Variants in TMEM132D observed in about 807,000 individuals in gnomAD.
TMEM132D encodes transmembrane protein 132D.
A neutral mutation model predicts 62.3 loss-of-function variants in TMEM132D; 21 were observed. The ratio of observed to expected loss-of-function variants is 0.34; its 90% CI spans 0.24 to 0.49. TMEM132D has a LOEUF of 0.49. Ranked by LOEUF, TMEM132D falls within the 20% of genes least tolerant of loss-of-function variation. The pLI, the probability that TMEM132D is intolerant of heterozygous loss-of-function variation, is 0.99. For synonymous variants in TMEM132D, 621 were observed against 575.6 expected, an observed-to-expected ratio of 1.08 and a Z score of -1.13; for missense variants, 1,346 against 1,402.8, an observed-to-expected ratio of 0.96 and a Z score of 0.65.
chr12:129,590,283 A>C (rs1878152534), intron 2 of TMEM132D, among the ~76,000 whole-genome samples: 1 of 152,154 alleles, frequency 6.6e-6, no homozygotes, highest in Admixed American at 6.5e-5. Flanking sequence ...CTGAGACACA[A>C]AGGGCCACCA....
chr12:129,341,604 A>G (rs1050633606), intron 3 of TMEM132D, among the ~76,000 whole-genome samples: 1 of 152,220 alleles, frequency 6.6e-6, no homozygotes, highest in African/African-American at 2.4e-5. Context: ...AGTTAAGGGA[A>G]CAAATTAATA....
chr12:129,154,976 C>G (rs544379533), intron 5 of TMEM132D, among the ~76,000 whole-genome samples: 9 of 152,298 alleles, frequency 5.9e-5, no homozygotes, highest in African/African-American at 2.2e-4. Context: ...GGATCAAGAT[C>G]AGGAAACATA....
intron 2 of TMEM132D, among the ~76,000 whole-genome samples, chr12:129,631,837 C>T (rs1879352723): frequency 6.6e-6 from 1 of 152,122 alleles, no homozygotes. Flanking sequence ...AAAAGATCCC[C>T]CCACCACACC....
chr12:129,895,482 C>T (rs1483542042), intron 1 of TMEM132D, among the ~76,000 whole-genome samples: 1 of 152,232 alleles, frequency 6.6e-6, no homozygotes, highest in Middle Eastern at 3.2e-3. Flanking sequence ...TCAGTCCACA[C>T]AGACTATGGT....
intron 1 of TMEM132D, among the ~76,000 whole-genome samples, chr12:129,799,065 A>G (rs562827359): frequency 8.6e-5 from 13 of 151,756 alleles, no homozygotes; most frequent in Non-Finnish European, 1.5e-4. Context: ...GGAGATGGAG[A>G]CCAATCCTGT....
At chr12:129,680,309 T>G (rs942334753) in intron 2 of TMEM132D, among the ~76,000 whole-genome samples, 1 of 152,174 alleles carries the variant, frequency 6.6e-6, no homozygotes, top group Non-Finnish European at 1.5e-5. Flanking sequence ...TTTTTTATTA[T>G]CAATCCTACA....
At chr12:129,442,040 A>T (rs1872951587) in intron 3 of TMEM132D, among the ~76,000 whole-genome samples, 1 of 152,122 alleles carries the variant, frequency 6.6e-6, no homozygotes, top group Admixed American at 6.5e-5. Context: ...TTCTATGCTC[A>T]CTTCCTGGGT....
intron 2 of TMEM132D, among the ~76,000 whole-genome samples, chr12:129,564,666 A>C (rs1040980436): frequency 6.6e-6 from 1 of 152,242 alleles, no homozygotes; most frequent in African/African-American, 2.4e-5. Context: ...TCAATGGCTT[A>C]AGTCAGGGAT....
In TMEM132D at chr12:129,289,217, T is replaced by C. The variant is rs189485988; in HGVS notation, c.1299+48417A>G. On this transcript the variant is annotated intron_variant, in intron 4 of 8. Transcript: ENST00000422113. ...CTATAGTTAACAGGAATGTATTGTG[T>C]ACTTGAGATTTTGTTAAAAAGGTAG... is the stretch of plus-strand genomic sequence containing the variant. Among the ~76,000 whole-genome samples the C allele has an allele frequency of 1.0e-3, 158 of 152,266 alleles. 1 individual carries two copies. The highest frequency in any genetic ancestry group is 3.4e-3 in the African/African-American group (143 of 41,552).
At chr12:129,895,642 C>G (rs1489201286) in intron 1 of TMEM132D, among the ~76,000 whole-genome samples, 1 of 152,176 alleles carries the variant, frequency 6.6e-6, no homozygotes, top group Non-Finnish European at 1.5e-5. Flanking sequence ...AACATTCCTT[C>G]TGCTTCATCT....
At chr12:129,833,211 GT>G (rs1189480322) in intron 1 of TMEM132D, among the ~76,000 whole-genome samples, 1 of 152,190 alleles carries the variant, frequency 6.6e-6, no homozygotes, top group Non-Finnish European at 1.5e-5. Context: ...CAACTGAATT[GT>G]TTTTAATGCA....
intron 1 of TMEM132D, among the ~76,000 whole-genome samples, chr12:129,884,249 A>G (rs1874688209): frequency 6.6e-6 from 1 of 152,242 alleles, no homozygotes; most frequent in Non-Finnish European, 1.5e-5. Flanking sequence ...TACATAATAG[A>G]AAAGAAGATA....
chr12:129,149,032 G>T (rs1876997534), intron 5 of TMEM132D, among the ~76,000 whole-genome samples: 2 of 151,912 alleles, frequency 1.3e-5, no homozygotes, highest in African/African-American at 4.8e-5. Context: ...ATGCCCCATG[G>T]AATACTATGC....
chr12:129,492,249 AACTG>A (rs1269725773), intron 3 of TMEM132D, among the ~76,000 whole-genome samples: 4 of 152,210 alleles, frequency 2.6e-5, no homozygotes, highest in African/African-American at 7.2e-5. Context: ...AGTACTTGGA[AACTG>A]ACTGACTAGG....
chr12:129,791,592 A>T (rs1050155500), intron 1 of TMEM132D, among the ~76,000 whole-genome samples: 1 of 152,152 alleles, frequency 6.6e-6, no homozygotes, highest in Non-Finnish European at 1.5e-5. Context: ...ACATATTTTA[A>T]TTTAGATTCG....
intron 4 of TMEM132D, among the ~76,000 whole-genome samples, chr12:129,296,770 T>A (rs575903402): frequency 1.5e-3 from 221 of 152,006 alleles, no homozygotes; most frequent in Non-Finnish European, 2.2e-3. Context: ...TCTGAGGGGG[T>A]GTCAGCCCCC....
At chr12:129,677,824 A>AT (rs201809316) in intron 2 of TMEM132D, among the ~76,000 whole-genome samples, 3 of 117,926 alleles carry the variant, frequency 2.5e-5, no homozygotes, top group Non-Finnish European at 3.5e-5. Context: ...TTTTCTAGTG[A>AT]TTTTGTCTTT....
chr12:129,386,779 T>C (rs539770196), intron 3 of TMEM132D, among the ~76,000 whole-genome samples: 8 of 149,628 alleles, frequency 5.3e-5, no homozygotes, highest in Admixed American at 4.0e-4. Context: ...ACACAAATAC[T>C]ATATGCCAAC....
At chr12:129,865,698 G>A (rs1055501403) in intron 1 of TMEM132D, among the ~76,000 whole-genome samples, 8 of 152,208 alleles carry the variant, frequency 5.3e-5, no homozygotes, top group Non-Finnish European at 1.0e-4. Flanking sequence ...TGAACGCATC[G>A]CAACTGATGA....
Sources: gnomAD v4.1 joint callset for allele counts (sites outside exome capture counted in the v4.1 genomes callset) on GRCh38, gnomAD v4.1.1 for gene constraint, MANE v1.5 for transcripts, NCBI Gene and HGNC (gene_info 2026-07-23, HGNC 2026-07-21) for gene names.